Variants in LDB2 observed in about 807,000 individuals in gnomAD.
LDB2 encodes the protein LIM domain-binding protein 2.
Under a neutral mutation model 44.3 loss-of-function variants are expected in LDB2, and 12 were observed. The ratio of observed to expected loss-of-function variants is 0.27; its 90% CI spans 0.17 to 0.44. The LOEUF (loss-of-function observed/expected upper bound fraction) is 0.44. LDB2 is among the 20% of genes least tolerant of loss of function. The pLI is 1.00. For synonymous variants in LDB2, 164 were observed against 174.8 expected (o/e 0.94, Z 0.49); for missense variants, 344 against 473.5 (o/e 0.73, Z 2.54).
intron 2 of LDB2, among the ~76,000 whole-genome samples, chr4:16,677,658 GA>G (rs1746666831): frequency 1.3e-5 from 2 of 152,174 alleles, no homozygotes. Context: ...ATTGTTTTTA[GA>G]TCAAATATCT....
chr4:16,693,897 C>CG (rs1212958066), intron 2 of LDB2, among the ~76,000 whole-genome samples: 2 of 152,150 alleles, frequency 1.3e-5, no homozygotes, highest in Non-Finnish European at 2.9e-5. Context: ...TCCCTCTCAG[C>CG]GAAGGAAAGT....
chr4:16,713,735 A>G (rs1485260063), intron 2 of LDB2, among the ~76,000 whole-genome samples: 1 of 152,180 alleles, frequency 6.6e-6, no homozygotes, highest in African/African-American at 2.4e-5. Flanking sequence ...AAGAGGAGGG[A>G]TGGATTTCAT....
intron 5 of LDB2, among the ~76,000 whole-genome samples, chr4:16,523,593 T>C (rs908040989): frequency 6.6e-6 from 1 of 151,740 alleles, no homozygotes; most frequent in East Asian, 1.9e-4. Context: ...GACTAATGGG[T>C]GGATAGTGTA....
Position 16,511,985 on chromosome 4 carries a change from C to A in LDB2, c.735G>T (p.Pro245=), listed in dbSNP as rs137916977. 3.4e-5 allele frequency: 55 copies of A among 1,612,454 alleles called. No individual in the cohort carries two copies. The highest frequency in any genetic ancestry group is 2.5e-6 in the Non-Finnish European group (3 of 1,179,120). ...GAGTGAAGAATGAGGGTGTACCTGGCGGAGCCACCATCCTCTGCCACTTCT... is the reference window on the plus strand; with the variant it reads ...GAGTGAAGAATGAGGGTGTACCTGGAGGAGCCACCATCCTCTGCCACTTCT... The part of the protein sequence containing the change: ...LFQKWQRMVA[P]PAEPTRQPTT... The change falls in exon 6 of 8, where the codon CCG becomes CCT. Residue 245 remains proline (P), a synonymous_variant. Coordinates refer to ENST00000304523, the MANE Select transcript of LDB2 (RefSeq NM_001290.5).
At chr4:16,569,879 A>G (rs1745796765) in intron 5 of LDB2, among the ~76,000 whole-genome samples, 1 of 152,302 alleles carries the variant, frequency 6.6e-6, no homozygotes, top group African/African-American at 2.4e-5. Context: ...AGTTAATGAC[A>G]CCCCACACCT....
At chr4:16,760,494 A>C (rs1207185545) in intron 1 of LDB2, among the ~76,000 whole-genome samples, 2 of 152,160 alleles carry the variant, frequency 1.3e-5, no homozygotes, top group African/African-American at 4.8e-5. Context: ...GCAAAAGCCA[A>C]TCCCTTTCTC....
intron 2 of LDB2, among the ~76,000 whole-genome samples, chr4:16,681,434 C>G (rs982025527): frequency 6.6e-6 from 1 of 152,062 alleles, no homozygotes; most frequent in Non-Finnish European, 1.5e-5. Flanking sequence ...ATGACTTGGG[C>G]CTTGTGAGAA....
At chr4:16,767,132 G>C (rs1769509219) in intron 1 of LDB2, among the ~76,000 whole-genome samples, 2 of 152,264 alleles carry the variant, frequency 1.3e-5, no homozygotes, top group Middle Eastern at 3.4e-3. Context: ...CATGGGTAGA[G>C]ATTCAAAGAG....
intron 3 of LDB2, among the ~76,000 whole-genome samples, chr4:16,595,378 C>A (rs1720548221): frequency 6.6e-6 from 1 of 152,096 alleles, no homozygotes; most frequent in Non-Finnish European, 1.5e-5. Flanking sequence ...TAGGATATTT[C>A]TTTCAGCTAT....
rs151021023 is a variant in LDB2 at position 16,580,524 on chromosome 4, C to T, written c.615+5398G>A. 4.7e-3 allele frequency among the ~76,000 whole-genome samples: 712 copies of T among 152,254 alleles called. 6 individuals are homozygous for T. Among genetic ancestry groups the T allele is most frequent in the African/African-American group, 0.016 (675 of 41,538 alleles). On this transcript the variant is annotated intron_variant, in intron 5 of 7. Transcript: ENST00000304523. ...AATTCCTTTAAAAAAGAGAATGTGC[C>T]TTAGGCATTCTTGTAAACATCCCAC... is the stretch of plus-strand genomic sequence containing the variant.
At chr4:16,847,858 C>T (rs928682484) in intron 1 of LDB2, among the ~76,000 whole-genome samples, 2 of 152,226 alleles carry the variant, frequency 1.3e-5, no homozygotes, top group Non-Finnish European at 2.9e-5. Context: ...CCTCGTGATC[C>T]ACCCGCCTTG....
chr4:16,503,557 T>C (rs1336930187), intron 7 of LDB2, among the ~76,000 whole-genome samples: 1 of 152,204 alleles, frequency 6.6e-6, no homozygotes, highest in East Asian at 1.9e-4. Flanking sequence ...ATTAAGTCAT[T>C]AGCAAAAACC....
intron 4 of LDB2, among the ~76,000 whole-genome samples, chr4:16,586,566 C>CAG (rs139136648): frequency 0.32 from 47,281 of 149,890 alleles, 7,712 homozygotes; most frequent in South Asian, 0.36. Flanking sequence ...TATGGAGAGA[C>CAG]AGAATTCTCA....
intron 5 of LDB2, among the ~76,000 whole-genome samples, chr4:16,584,355 C>A (rs1715951646): frequency 6.6e-6 from 1 of 152,204 alleles, no homozygotes; most frequent in Non-Finnish European, 1.5e-5. Context: ...CTATCCATAT[C>A]ATCAGTCTCC....
At chr4:16,856,149 C>T (rs1334266968) in intron 1 of LDB2, among the ~76,000 whole-genome samples, 1 of 152,108 alleles carries the variant, frequency 6.6e-6, no homozygotes, top group African/African-American at 2.4e-5. Flanking sequence ...TCCATCCACC[C>T]TTTATTAAAC....
intron 2 of LDB2, among the ~76,000 whole-genome samples, chr4:16,663,995 G>A (rs1742323268): frequency 6.6e-6 from 1 of 151,878 alleles, no homozygotes; most frequent in African/African-American, 2.4e-5. Context: ...ACAGCTAGAG[G>A]GTGGAGGGGC....
At chr4:16,847,613 G>GTTTGTTTA (rs1554047383) in intron 1 of LDB2, among the ~76,000 whole-genome samples, 3,232 of 152,078 alleles carry the variant, frequency 0.021, 52 homozygotes, top group Middle Eastern at 0.11. Flanking sequence ...TTGTTTGTTT[G>GTTTGTTTA]TTTGTTTGTT....
chr4:16,723,940 G>T (rs528285734), intron 2 of LDB2, among the ~76,000 whole-genome samples: 2 of 152,180 alleles, frequency 1.3e-5, no homozygotes, highest in African/African-American at 4.8e-5. Flanking sequence ...AAATACGTTT[G>T]AATAGAGCCA....
At chr4:16,507,737 A>T (rs1405628610) in intron 7 of LDB2, among the ~76,000 whole-genome samples, 1 of 152,194 alleles carries the variant, frequency 6.6e-6, no homozygotes, top group East Asian at 1.9e-4. Context: ...AGCACTTTAA[A>T]GGAGCAAAGT....
Sources: gnomAD v4.1 joint callset for allele counts (sites outside exome capture counted in the v4.1 genomes callset) on GRCh38, gnomAD v4.1.1 for gene constraint, MANE v1.5 for transcripts, NCBI Gene and HGNC (gene_info 2026-07-23, HGNC 2026-07-21) for gene names.